The following CFAP74 variants were observed in gnomAD, a reference collection of about 807,000 sequenced individuals.
CFAP74 encodes the protein cilia and flagella associated protein 74.
Under a neutral mutation model 188.9 loss-of-function variants are expected in CFAP74, and 124 were observed. That is an observed-to-expected ratio of 0.66 (90% CI 0.57 to 0.76). The LOEUF (loss-of-function observed/expected upper bound fraction) is 0.76. Among genes scored for constraint, CFAP74 ranks in the 30% least tolerant of loss-of-function variants. The pLI, the probability that CFAP74 is intolerant of heterozygous loss-of-function variation, is 0.00. For synonymous variants in CFAP74, 956 were observed against 916.7 expected (o/e 1.04, Z -0.77); for missense variants, 2,198 against 2,165.2 (o/e 1.02, Z -0.30).
chr1:1,930,254 C>T lies in CFAP74; in HGVS notation c.3094G>A (p.Ala1032Thr), dbSNP rs1426444329. The stretch of plus-strand genomic sequence containing the variant: ...GTAGCCACGGAGGTGTCGTATAGGG[C>T]CGTGGCGGCAAACTTGATCTGGTAG... ...SHYQIKFAAT[A>T]LYDTSVATVY... The change falls in exon 26 of 39, where the codon GCC (alanine) becomes ACC (threonine). Residue 1032 changes from alanine (A) to threonine (T), a missense_variant. Ala to Thr is a moderately conservative substitution (Grantham distance 58). Transcript: ENST00000682832. 14 of 1,535,502 alleles carry T rather than the reference C, an allele frequency of 9.1e-6. No individual in the cohort carries two copies. Among genetic ancestry groups the T allele is most frequent in the Non-Finnish European group, 1.1e-5 (13 of 1,146,682 alleles).
intron 21 of CFAP74, among the ~76,000 whole-genome samples, chr1:1,943,086 C>T (rs543833758): frequency 9.2e-5 from 14 of 152,302 alleles, no homozygotes; most frequent in South Asian, 8.3e-4. Flanking sequence ...GTCAGGCAGA[C>T]GCTGCTCTGC....
chr1:1,960,284 G>A (rs1654991186), intron 14 of CFAP74, among the ~76,000 whole-genome samples: 1 of 152,288 alleles, frequency 6.6e-6, no homozygotes, highest in African/African-American at 2.4e-5. Flanking sequence ...CTGAAGGCGT[G>A]AGGCAAGTCC....
intron 12 of CFAP74, among the ~76,000 whole-genome samples, chr1:1,966,110 T>C (rs1374835216): frequency 6.6e-6 from 1 of 152,248 alleles, no homozygotes; most frequent in Non-Finnish European, 1.5e-5. Context: ...TACACCATGG[T>C]GACCGAGCTG....
chr1:1,927,863 G>A, intron 27 of CFAP74, 117 bp from the exon 28 acceptor site: 1 of 1,220,950 alleles, frequency 8.2e-7, no homozygotes, highest in Non-Finnish European at 1.1e-6. Context: ...GGGATTGAAT[G>A]TGGGGACGCA....
At chr1:1,932,359 C>T (rs769308860) in intron 25 of CFAP74, among the ~76,000 whole-genome samples, 78 of 148,198 alleles carry the variant, frequency 5.3e-4, no homozygotes, top group Middle Eastern at 3.6e-3. Flanking sequence ...ATCGCGCCAC[C>T]GCACTCCAGC....
At chr1:1,922,417 C>T (rs1279013719) in intron 38 of CFAP74, 29 bp from the exon 39 acceptor site, 3 of 1,592,118 alleles carry the variant, frequency 1.9e-6, no homozygotes, top group Non-Finnish European at 2.6e-6. Context: ...GGAGAAGAGG[C>T]CTTCAGTCAG....
At chr1:1,982,200 C>T (rs1452355404) in intron 6 of CFAP74, among the ~76,000 whole-genome samples, 1 of 148,376 alleles carries the variant, frequency 6.7e-6, no homozygotes, top group Non-Finnish European at 1.5e-5. Flanking sequence ...ACACGCAGGA[C>T]ACCCAGCCGT....
At chr1:1,985,941 G>A (rs540154331) in intron 5 of CFAP74, among the ~76,000 whole-genome samples, 8 of 152,368 alleles carry the variant, frequency 5.3e-5, no homozygotes, top group South Asian at 2.1e-4. Flanking sequence ...CTTCCCGGGC[G>A]GTGGGCGGTT....
Position 1,926,333 on chromosome 1 carries a change from C to T in CFAP74, c.3843G>A (p.Leu1281=). ...GGACAAAGGGGCCGTTGGGGTTCAG[C>T]AGGGAGAAGTCCAGCTGAGGGTCCA... The part of the protein sequence containing the change: ...SPEDLALDFS[L]LNPNGPFVLL... The change falls in exon 32 of 39, where the codon CTG becomes CTA. Residue 1281 remains leucine, a synonymous_variant. Transcript: ENST00000682832. 6.5e-7 allele frequency: 1 copy of T among 1,548,074 alleles called. No individual in the cohort carries two copies.
At chr1:1,980,871 G>T (rs1026637751) in intron 6 of CFAP74, among the ~76,000 whole-genome samples, 4 of 150,126 alleles carry the variant, frequency 2.7e-5, no homozygotes, top group Non-Finnish European at 5.9e-5. Flanking sequence ...AGACCATCAC[G>T]CCTGCTGCCT....
At position 1,939,503 on chromosome 1, in the gene CFAP74, G is replaced by A. The variant is rs146514832; in HGVS notation, c.2877+91C>T. On this transcript the variant is annotated intron_variant, in intron 24 of 38. Transcript: ENST00000682832. Reference sequence around the variant, plus strand: ...CGGAAGTTGGGCCACATGCCCACGCGTGGGGGACCCTGGAGCAGTGGCCGC... The same window carrying A: ...CGGAAGTTGGGCCACATGCCCACGCATGGGGGACCCTGGAGCAGTGGCCGC... 6.9e-3 allele frequency: 8,989 copies of A among 1,300,596 alleles called. 45 individuals are homozygous for A. Among genetic ancestry groups the A allele is most frequent in the Middle Eastern group, 9.9e-3 (39 of 3,926 alleles). The allele number at this position is 1,300,596 out of a possible 1,614,324, so 80.6% of individuals were successfully genotyped here.
chr1:1,943,910 C>T (rs113675471), intron 21 of CFAP74, among the ~76,000 whole-genome samples: 316 of 152,310 alleles, frequency 2.1e-3, no homozygotes, highest in African/African-American at 7.0e-3. Flanking sequence ...GCTGCAGTGT[C>T]CCCGGGCTCG....
chr1:1,979,277 T>C (rs376424902), intron 6 of CFAP74, among the ~76,000 whole-genome samples: 71 of 60,076 alleles, frequency 1.2e-3, no homozygotes, highest in Non-Finnish European at 1.1e-3. Flanking sequence ...GAAGGCGTCA[T>C]GTGACGAGGC....
At chr1:1,991,851 A>G (rs969466724) in intron 1 of CFAP74, among the ~76,000 whole-genome samples, 1 of 151,928 alleles carries the variant, frequency 6.6e-6, no homozygotes, top group Non-Finnish European at 1.5e-5. Flanking sequence ...TATCCTGGCT[A>G]GCACAGTGAA....
At chr1:1,986,009 G>A (rs936823861) in intron 5 of CFAP74, among the ~76,000 whole-genome samples, 3 of 152,248 alleles carry the variant, frequency 2.0e-5, no homozygotes, top group Non-Finnish European at 4.4e-5. Context: ...GTGGACACGG[G>A]TGGTGGGCTT....
intron 33 of CFAP74, 90 bp downstream of exon 33, chr1:1,925,693 G>A (rs555683946): frequency 2.2e-5 from 31 of 1,439,982 alleles, no homozygotes; most frequent in African/African-American, 2.0e-4. Flanking sequence ...TCCGACCCAC[G>A]GGTCACTTTT....
chr1:1,926,706 C>A lies in CFAP74; in HGVS notation c.3718G>T (p.Val1240Leu), dbSNP rs1353353640. The A allele has an allele frequency of 6.5e-7, 1 of 1,550,028 alleles. No homozygotes were observed. The highest frequency in any genetic ancestry group is 8.7e-7 in the Non-Finnish European group (1 of 1,146,858). ...GTCTTGCCTTTATGGGACGTCACCA[C>A]AACAGATGGTGCCACCGTCGGGCAC... ...LWCPTVAPSV[V>L]VTSHKGKTIF... Residue 1240 changes from valine to leucine, a missense_variant, in exon 30 of 39, where the codon GTG becomes TTG. Coordinates refer to ENST00000682832, the MANE Select transcript of CFAP74 (RefSeq NM_001304360.2).
intron 18 of CFAP74, among the ~76,000 whole-genome samples, chr1:1,949,251 C>T (rs1347988449): frequency 2.0e-5 from 3 of 151,408 alleles, no homozygotes; most frequent in South Asian, 2.1e-4. Flanking sequence ...CTCTGCCTCC[C>T]GGGTTCAAGT....
rs770600149 is a variant in CFAP74, at chr1:1,966,507, C to T, written c.1265G>A (p.Gly422Asp). The change falls in exon 12 of 39, where the codon GGC (glycine) becomes GAC (aspartate). Residue 422 changes from glycine (G) to aspartate (D), a missense_variant. Transcript: ENST00000682832. ...TYTLDYEAAA[G>D]PGPSRLLEVV... ...TTCCAGCAACCGAGAGGGCCCGGGG[C>T]CTGCAGCAGCCTCGTAGTCCTGCAG... 2.3e-5 allele frequency: 37 copies of T among 1,575,376 alleles called. No individual in the cohort carries two copies. The South Asian group carries it at 4.1e-4, about 18-fold the overall frequency.
Sources: gnomAD v4.1 joint callset for allele counts (sites outside exome capture counted in the v4.1 genomes callset) on GRCh38, gnomAD v4.1.1 for gene constraint, MANE v1.5 for transcripts, NCBI Gene and HGNC (gene_info 2026-07-23, HGNC 2026-07-21) for gene names.